Variants in NPAS3 observed in about 807,000 individuals in gnomAD.
NPAS3 encodes neuronal PAS domain-containing protein 3.
In NPAS3, 14 loss-of-function variants were observed where a neutral mutation model predicts 73.1. The ratio of observed to expected loss-of-function variants is 0.19; its 90% CI spans 0.13 to 0.30. NPAS3 has a LOEUF of 0.30. Among genes scored for constraint, NPAS3 ranks in the 10% least tolerant of loss-of-function variants. NPAS3 has a pLI of 1.00. For synonymous variants in NPAS3, 620 were observed against 541.5 expected, an observed-to-expected ratio of 1.14 and a Z score of -2.01; for missense variants, 1,096 against 1,250.0, an observed-to-expected ratio of 0.88 and a Z score of 1.86.
chr14:33,577,777 C>G (rs1227579529), intron 5 of NPAS3, among the ~76,000 whole-genome samples: 1 of 152,244 alleles, frequency 6.6e-6, no homozygotes, highest in Non-Finnish European at 1.5e-5. Flanking sequence ...TAGCTTTACT[C>G]CATTTAGGGA....
At chr14:33,313,168 A>G (rs1179289689) in intron 3 of NPAS3, among the ~76,000 whole-genome samples, 1 of 152,094 alleles carries the variant, frequency 6.6e-6, no homozygotes. Context: ...GATTAAATGT[A>G]TTTGAATTAG....
At chr14:33,429,309 A>G (rs550713418) in intron 4 of NPAS3, among the ~76,000 whole-genome samples, 1 of 152,266 alleles carries the variant, frequency 6.6e-6, no homozygotes, top group South Asian at 2.1e-4. Context: ...CAAAACCCAC[A>G]TATTGTCACT....
intron 1 of NPAS3, among the ~76,000 whole-genome samples, chr14:32,946,424 C>G (rs959614194): frequency 6.6e-6 from 1 of 150,508 alleles, no homozygotes; most frequent in Admixed American, 6.6e-5. Context: ...CCTTTGGTAA[C>G]TTTTTTTCCT....
intron 3 of NPAS3, among the ~76,000 whole-genome samples, chr14:33,252,449 A>G (rs1328938942): frequency 1.3e-5 from 2 of 151,954 alleles, no homozygotes; most frequent in African/African-American, 4.8e-5. Flanking sequence ...CCTGTGCTAG[A>G]CAGTGTAGTA....
At chr14:33,369,404 C>CAAAAAAAAAAAAAAAAAAAAAAAA (rs3058296) in intron 4 of NPAS3, among the ~76,000 whole-genome samples, 3 of 90,890 alleles carry the variant, frequency 3.3e-5, no homozygotes, top group Non-Finnish European at 6.6e-5. Flanking sequence ...GCCTCATTTC[C>CAAAAAAAAAAAAAAAAAAAAAAAA]AAAAAAAAAA....
intron 3 of NPAS3, among the ~76,000 whole-genome samples, chr14:33,303,088 T>A (rs996621844): frequency 2.0e-5 from 3 of 152,140 alleles, no homozygotes; most frequent in Non-Finnish European, 2.9e-5. Flanking sequence ...CATCAGGACT[T>A]TATATATAAC....
chr14:33,198,917 C>T (rs534204625), intron 2 of NPAS3, among the ~76,000 whole-genome samples: 32 of 152,288 alleles, frequency 2.1e-4, no homozygotes, highest in East Asian at 9.7e-4. Flanking sequence ...AATTTGAGCG[C>T]GGCGTGGATG....
chr14:33,493,587 G>A (rs2052015429), intron 4 of NPAS3, among the ~76,000 whole-genome samples: 1 of 152,152 alleles, frequency 6.6e-6, no homozygotes, highest in Non-Finnish European at 1.5e-5. Flanking sequence ...TCAGCCCGCT[G>A]TGAGAGGCAA....
chr14:33,774,657 G>C (rs1270517835), intron 8 of NPAS3, 127 bp downstream of exon 8: 4 of 720,512 alleles, frequency 5.6e-6, no homozygotes, highest in Non-Finnish European at 9.3e-6. Flanking sequence ...GTTTTTAATG[G>C]CCACTTGGAC....
intron 3 of NPAS3, among the ~76,000 whole-genome samples, chr14:33,216,989 C>G (rs1202337864): frequency 6.6e-6 from 1 of 152,110 alleles, no homozygotes; most frequent in East Asian, 1.9e-4. Context: ...AAAAAACTAC[C>G]CGAGAATGGA....
chr14:33,660,167 C>T (rs1173904599), intron 5 of NPAS3, among the ~76,000 whole-genome samples: 1 of 152,124 alleles, frequency 6.6e-6, no homozygotes, highest in African/African-American at 2.4e-5. Context: ...ACAGTTTGCC[C>T]ATTGCTTCGG....
At chr14:33,664,262 A>G (rs944218713) in intron 5 of NPAS3, among the ~76,000 whole-genome samples, 3 of 152,236 alleles carry the variant, frequency 2.0e-5, no homozygotes, top group Non-Finnish European at 4.4e-5. Context: ...AAAGCAAGCA[A>G]TGGGGAAAGG....
chr14:32,973,121 T>C (rs944803140), intron 1 of NPAS3, among the ~76,000 whole-genome samples: 1 of 152,066 alleles, frequency 6.6e-6, no homozygotes, highest in Non-Finnish European at 1.5e-5. Flanking sequence ...ATGGGAATGG[T>C]GATTAAGATT....
chr14:33,007,185 G>A (rs1343311998), intron 1 of NPAS3, among the ~76,000 whole-genome samples: 1 of 152,114 alleles, frequency 6.6e-6, no homozygotes, highest in Non-Finnish European at 1.5e-5. Context: ...TGGATTGTAG[G>A]AGCCACAGAA....
chr14:33,459,354 A>C (rs917118751), intron 4 of NPAS3, among the ~76,000 whole-genome samples: 37 of 152,242 alleles, frequency 2.4e-4, no homozygotes, highest in African/African-American at 8.7e-4. Context: ...TGACACTTTC[A>C]TATGTAACAA....
chr14:32,982,386 AT>A (rs1468279660), intron 1 of NPAS3, among the ~76,000 whole-genome samples: 1 of 152,144 alleles, frequency 6.6e-6, no homozygotes, highest in Non-Finnish European at 1.5e-5. Context: ...AAACCATAGC[AT>A]TTTCAAATTC....
intron 4 of NPAS3, among the ~76,000 whole-genome samples, chr14:33,547,906 T>C (rs1282525428): frequency 6.6e-6 from 1 of 152,226 alleles, no homozygotes; most frequent in Non-Finnish European, 1.5e-5. Context: ...CCTACAAGTT[T>C]GTATAAGAGT....
intron 4 of NPAS3, among the ~76,000 whole-genome samples, chr14:33,479,230 C>T (rs556237358): frequency 7.9e-5 from 12 of 152,180 alleles, no homozygotes; most frequent in Admixed American, 4.6e-4. Context: ...TATGCTTTTC[C>T]TTTTTAATGT....
intron 4 of NPAS3, among the ~76,000 whole-genome samples, chr14:33,451,975 C>G (rs1198311339): frequency 2.6e-5 from 4 of 152,118 alleles, no homozygotes; most frequent in African/African-American, 9.7e-5. Context: ...CTGCTAACAG[C>G]CTCTACATCA....
Sources: allele counts gnomAD v4.1 joint callset (sites outside exome capture counted in the v4.1 genomes callset), GRCh38; gene constraint gnomAD v4.1.1; transcripts MANE v1.5; gene names NCBI Gene and HGNC (gene_info 2026-07-23, HGNC 2026-07-21).